FSHB: variants seen among roughly 807,000 people sequenced by gnomAD.
FSHB encodes follicle stimulating hormone subunit beta.
A neutral mutation model predicts 12.1 loss-of-function variants in FSHB; 8 were observed. The ratio of observed to expected loss-of-function variants is 0.66; its 90% CI spans 0.39 to 1.19. FSHB has a LOEUF of 1.19. Ranked by LOEUF, FSHB falls within the 50% of genes most tolerant of loss-of-function variation. FSHB has a pLI of 0.01. For synonymous variants in FSHB, 55 were observed against 54.6 expected (o/e 1.01, Z -0.04); for missense variants, 153 against 157.2 (o/e 0.97, Z 0.14).
At position 30,233,854 on chromosome 11, in the gene FSHB, C is replaced by A; in HGVS notation, c.*54C>A. On this transcript the variant is annotated 3_prime_UTR_variant, in exon 3 of 3. Transcript: ENST00000533718. Reference sequence around the variant, plus strand: ...CCTTGTCCTGAAGGACCAAGATATTCAAAAAGTCTGTGTGTGTGCAATGTG... The same window carrying A: ...CCTTGTCCTGAAGGACCAAGATATTAAAAAAGTCTGTGTGTGTGCAATGTG... 6.8e-7 allele frequency: 1 copy of A among 1,478,290 alleles called. No individual in the cohort carries two copies. Among genetic ancestry groups the A allele is most frequent in the Non-Finnish European group, 9.4e-7 (1 of 1,064,058 alleles). 91.6% of individuals were successfully genotyped at this position (1,478,290 alleles called of 1,614,324 possible).
intron 1 of FSHB, among the ~76,000 whole-genome samples, chr11:30,231,461 T>C (rs1185950718): frequency 6.6e-6 from 1 of 152,024 alleles, no homozygotes; most frequent in Non-Finnish European, 1.5e-5. Context: ...ACCACTGCAC[T>C]CCAGCCTGGG....
intron 1 of FSHB, 58 bp from the exon 2 acceptor site, chr11:30,231,808 A>G: frequency 7.3e-7 from 1 of 1,375,400 alleles, no homozygotes; most frequent in Non-Finnish European, 1.0e-6. Context: ...GGATGAGCAG[A>G]CCAATTATTT....
chr11:30,233,880 C>A lies in FSHB; in HGVS notation c.*80C>A. On this transcript the variant is annotated 3_prime_UTR_variant, in exon 3 of 3. Transcript: ENST00000533718. ...AAAAAGTCTGTGTGTGTGCAATGTGCCCAGGGGACAAACCACTGGATCAGG... is the reference window on the plus strand; with the variant it reads ...AAAAAGTCTGTGTGTGTGCAATGTGACCAGGGGACAAACCACTGGATCAGG... 1.7e-6 allele frequency: 2 copies of A among 1,160,680 alleles called. No individual in the cohort carries two copies. Among genetic ancestry groups the A allele is most frequent in the Non-Finnish European group, 2.5e-6 (2 of 790,680 alleles). The allele number at this position is 1,160,680 out of a possible 1,614,324, so 71.9% of individuals were successfully genotyped here.
Position 30,234,339 on chromosome 11 carries a change from A to G in FSHB, c.*539A>G. 5.9e-6 allele frequency: 1 copy of G among 168,662 alleles called. No homozygotes were observed. The highest frequency in any genetic ancestry group is 5.5e-5 in the Admixed American group (1 of 18,100). 10.4% of individuals were successfully genotyped at this position (168,662 alleles called of 1,614,324 possible). A position where few individuals can be genotyped will look rare whatever the true frequency, so the allele number is the denominator to read the frequency against. ...GGAAGACGATGTTTGAGGTAAGCTGATGAGGCTGCCCGCAGCCACACCAGT... is the reference window on the plus strand; with the variant it reads ...GGAAGACGATGTTTGAGGTAAGCTGGTGAGGCTGCCCGCAGCCACACCAGT... On this transcript the variant is annotated 3_prime_UTR_variant, in exon 3 of 3. Transcript: ENST00000533718.
intron 2 of FSHB, 149 bp downstream of exon 2, chr11:30,232,210 T>G (rs990177383): frequency 3.8e-6 from 3 of 792,974 alleles, no homozygotes; most frequent in Non-Finnish European, 6.3e-6. Context: ...TTGGGGTTAA[T>G]GACCACGATA....
At position 30,233,862 on chromosome 11, in the gene FSHB, CTG is replaced by C. The variant is rs1590623917; in HGVS notation, c.*71_*72del. On this transcript the variant is annotated 3_prime_UTR_variant, in exon 3 of 3. Transcript: ENST00000533718. Reference sequence around the variant, plus strand: ...TGAAGGACCAAGATATTCAAAAAGTCTGTGTGTGTGCAATGTGCCCAGGGGAC... The same window carrying C: ...TGAAGGACCAAGATATTCAAAAAGTCTGTGTGTGCAATGTGCCCAGGGGAC... 4.3e-6 allele frequency: 6 copies of C among 1,410,732 alleles called. No homozygotes were observed. Among genetic ancestry groups the C allele is most frequent in the Non-Finnish European group, 3.0e-6 (3 of 1,006,406 alleles). The allele number at this position is 1,410,732 out of a possible 1,614,324, so 87.4% of individuals were successfully genotyped here.
chr11:30,232,015 G>T lies in FSHB; in HGVS notation c.113G>T (p.Cys38Phe), dbSNP rs770418547. ...ATAGAGAAAGAAGAATGTCGTTTCT[G>T]CATAAGCATCAACACCACTTGGTGT... The part of the protein sequence containing the change: ...IAIEKEECRF[C>F]ISINTTWCAG... The change falls in exon 2 of 3, where the codon TGC becomes TTC. Residue 38 changes from cysteine to phenylalanine, a missense_variant. By Grantham distance (205) the Cys-to-Phe change is radical. Coordinates refer to ENST00000533718, the MANE Select transcript of FSHB (RefSeq NM_001382289.1). 2 of 1,613,946 alleles carry T rather than the reference G, an allele frequency of 1.2e-6. No homozygotes were observed. The highest frequency in any genetic ancestry group is 1.7e-6 in the Non-Finnish European group (2 of 1,179,882).
rs753387363 is a variant in FSHB at position 30,233,735 on chromosome 11, A to G, written c.325A>G (p.Ser109Gly). The G allele has an allele frequency of 6.2e-7, 1 of 1,614,086 alleles. No homozygotes were observed. The highest frequency in any genetic ancestry group is 1.1e-5 in the South Asian group (1 of 91,090). ...TCACTGTGGCAAGTGTGACAGCGAC[A>G]GCACTGATTGTACTGTGCGAGGCCT... is the stretch of plus-strand genomic sequence containing the variant. ...QCHCGKCDSD[S>G]TDCTVRGLGP... is the part of the protein sequence containing the mutation. The change falls in exon 3 of 3, where the codon AGC becomes GGC. Residue 109 changes from serine to glycine, a missense_variant. Transcript: ENST00000533718.
At position 30,234,610 on chromosome 11, in the gene FSHB, C is replaced by A. The variant is rs1010263254; in HGVS notation, c.*810C>A. On this transcript the variant is annotated 3_prime_UTR_variant, in exon 3 of 3. Coordinates refer to ENST00000533718, the MANE Select transcript of FSHB (RefSeq NM_001382289.1). ...TTGATCACATGCTACTAGGCTCCTG[C>A]AAAACTCCTTTTTGAGATAAAGGGA... is the stretch of plus-strand genomic sequence containing the variant. The A allele has an allele frequency of 3.3e-5, 5 of 152,102 alleles. No homozygotes were observed. The highest frequency in any genetic ancestry group is 3.3e-4 in the Admixed American group (5 of 15,276). The allele number at this position is 152,102 out of a possible 1,614,324, so 9.4% of individuals were successfully genotyped here. A position where few individuals can be genotyped will look rare whatever the true frequency, so the allele number is the denominator to read the frequency against.
In FSHB at chr11:30,231,821, G is replaced by A. The variant is rs914453530; in HGVS notation, c.-37-45G>A. On this transcript the variant is annotated intron_variant, in intron 1 of 2. Coordinates refer to ENST00000533718, the MANE Select transcript of FSHB (RefSeq NM_001382289.1). Reference sequence around the variant, plus strand: ...GAGGATGAGCAGACCAATTATTTTTGGTTTGGTCAGCTTACATAATGATTA... The same window carrying A: ...GAGGATGAGCAGACCAATTATTTTTAGTTTGGTCAGCTTACATAATGATTA... The A allele has an allele frequency of 2.7e-6, 4 of 1,477,710 alleles. No individual in the cohort carries two copies. In the African/African-American group the frequency reaches 4.2e-5, roughly 15 times the overall value. The allele number at this position is 1,477,710 out of a possible 1,614,324, so 91.5% of individuals were successfully genotyped here.
chr11:30,232,085 G>A, intron 2 of FSHB, 24 bp downstream of exon 2: 1 of 1,613,058 alleles, frequency 6.2e-7, no homozygotes, highest in South Asian at 1.1e-5. Context: ...TTTGCTGGAA[G>A]CAAGGGTGTT....
chr11:30,232,092 TG>T (rs745387446), intron 2 of FSHB, 31 bp downstream of exon 2: 4 of 1,611,406 alleles, frequency 2.5e-6, no homozygotes, highest in Middle Eastern at 1.7e-4. Flanking sequence ...GAAGCAAGGG[TG>T]TTGAAGGTCT....
rs1186868959 is a variant in FSHB, at chr11:30,232,028, C to T, written c.126C>T (p.Asn42=). Residue 42 remains asparagine, a synonymous_variant, in exon 2 of 3, where the codon AAC becomes AAT. Coordinates refer to ENST00000533718, the MANE Select transcript of FSHB (RefSeq NM_001382289.1). Reference sequence around the variant, plus strand: ...AATGTCGTTTCTGCATAAGCATCAACACCACTTGGTGTGCTGGCTACTGCT... The same window carrying T: ...AATGTCGTTTCTGCATAAGCATCAATACCACTTGGTGTGCTGGCTACTGCT... The part of the protein sequence containing the change: ...KEECRFCISI[N]TTWCAGYCYT... The T allele has an allele frequency of 3.7e-6, 6 of 1,613,842 alleles. No homozygotes were observed. Among genetic ancestry groups the T allele is most frequent in the East Asian group, 2.2e-5 (1 of 44,870 alleles).
rs1332920787 is a variant in FSHB, at chr11:30,234,481, A to T, written c.*681A>T. ...CAGATGGGGAGTAACAGAGCTCAAG[A>T]TTTCCAAGCTATTACTACCAAGCCT... On this transcript the variant is annotated 3_prime_UTR_variant, in exon 3 of 3. Transcript: ENST00000533718. 1 of 152,682 alleles carries T rather than the reference A, an allele frequency of 6.5e-6. No individual in the cohort carries two copies. The highest frequency in any genetic ancestry group is 1.5e-5 in the Non-Finnish European group (1 of 68,448). The allele number at this position is 152,682 out of a possible 1,614,324, so 9.5% of individuals were successfully genotyped here. A position where few individuals can be genotyped will look rare whatever the true frequency, so the allele number is the denominator to read the frequency against.
At chr11:30,233,202 C>T (rs1852031917) in intron 2 of FSHB, among the ~76,000 whole-genome samples, 1 of 151,986 alleles carries the variant, frequency 6.6e-6, no homozygotes, top group Non-Finnish European at 1.5e-5. Flanking sequence ...AATATTTTTT[C>T]TGAGACATTG....
At chr11:30,231,423 G>T (rs748023911) in intron 1 of FSHB, among the ~76,000 whole-genome samples, 1 of 152,128 alleles carries the variant, frequency 6.6e-6, no homozygotes, top group Non-Finnish European at 1.5e-5. Flanking sequence ...GAGCCTGGAA[G>T]GTTGAAGATG....
Position 30,234,172 on chromosome 11 carries a change from C to T in FSHB, c.*372C>T. The T allele has an allele frequency of 6.4e-6, 2 of 311,486 alleles. No individual in the cohort carries two copies. Among genetic ancestry groups the T allele is most frequent in the Non-Finnish European group, 1.3e-5 (2 of 159,160 alleles). 19.3% of individuals were successfully genotyped at this position (311,486 alleles called of 1,614,324 possible). On this transcript the variant is annotated 3_prime_UTR_variant, in exon 3 of 3. Coordinates refer to ENST00000533718, the MANE Select transcript of FSHB (RefSeq NM_001382289.1). ...GAGTGAGTGAAAGAACTAACTGCAG[C>T]AGTCTTCTGGTAGACTCTTGGGCCC...
intron 1 of FSHB, among the ~76,000 whole-genome samples, 195 bp downstream of exon 1, chr11:30,231,243 T>C (rs1852001381): frequency 6.6e-6 from 1 of 152,212 alleles, no homozygotes; most frequent in African/African-American, 2.4e-5. Context: ...TAGACCAATA[T>C]GCCTCTCTTC....
chr11:30,231,706 G>A (rs1333890077), intron 1 of FSHB, among the ~76,000 whole-genome samples, 160 bp from the exon 2 acceptor site: 6 of 151,902 alleles, frequency 3.9e-5, no homozygotes, highest in Non-Finnish European at 8.8e-5. Flanking sequence ...ATTGAAGAAG[G>A]ACAAGGAAAA....
Sources: gnomAD v4.1 joint callset for allele counts (sites outside exome capture counted in the v4.1 genomes callset) on GRCh38, gnomAD v4.1.1 for gene constraint, MANE v1.5 for transcripts, NCBI Gene and HGNC (gene_info 2026-07-23, HGNC 2026-07-21) for gene names.